The following ARMC9 variants were observed in gnomAD, a reference collection of about 807,000 sequenced individuals.
ARMC9 encodes armadillo repeat containing 9, also known as lisH domain-containing protein ARMC9.
ARMC9 carries 94 observed loss-of-function variants against 107.0 expected under a neutral mutation model. The observed-to-expected ratio is 0.88, with a 90% confidence interval of 0.74 to 1.04. The LOEUF (loss-of-function observed/expected upper bound fraction) is 1.04. ARMC9 is among the 50% of genes least tolerant of loss of function. The pLI is 0.00. For missense variants in ARMC9, 942 were observed against 1,030.1 expected (o/e 0.91, Z 1.17); for synonymous variants, 380 against 396.9 (o/e 0.96, Z 0.51).
At chr2:231,199,738 C>G (rs111389351) in intron 1 of ARMC9, among the ~76,000 whole-genome samples, 3,020 of 152,180 alleles carry the variant, frequency 0.02, 107 homozygotes, top group African/African-American at 0.07. Context: ...CCCTGTCGCT[C>G]AGGCTGGAGT....
intron 15 of ARMC9, among the ~76,000 whole-genome samples, chr2:231,278,060 T>C (rs1459129035): frequency 6.6e-6 from 1 of 152,238 alleles, no homozygotes; most frequent in African/African-American, 2.4e-5. Flanking sequence ...TGACTCGCTC[T>C]GTGCTCTGAC....
At chr2:231,274,704 T>G (rs2039617193) in intron 14 of ARMC9, among the ~76,000 whole-genome samples, 1 of 152,132 alleles carries the variant, frequency 6.6e-6, no homozygotes, top group Admixed American at 6.5e-5. Context: ...CACACTTTCT[T>G]CCCATCAAAT....
rs1347256392 is a variant in ARMC9, at chr2:231,375,069, G to A, written c.*3534G>A. Among the ~76,000 whole-genome samples, 1 of 152,202 alleles carries A rather than the reference G, an allele frequency of 6.6e-6. No individual in the cohort carries two copies. The highest frequency in any genetic ancestry group is 2.4e-5 in the African/African-American group (1 of 41,440). ...TTTTGCATATTAACAAACTACCTCT[G>A]AAACTTAGTGGCTTAAACCAACAAA... is the stretch of plus-strand genomic sequence containing the variant. On this transcript the variant is annotated 3_prime_UTR_variant, in exon 25 of 25. Transcript: ENST00000611582. The surrounding 1 kb of genome is among the most constrained non-coding windows in gnomAD (Gnocchi z 4.3).
At chr2:231,206,430 A>G (rs1213995632) in intron 2 of ARMC9, 141 bp downstream of exon 2, 3 of 704,398 alleles carry the variant, frequency 4.3e-6, no homozygotes, top group African/African-American at 3.7e-5. Context: ...ATAATATTCC[A>G]TGTATTTACA....
rs2045639480 is a variant in ARMC9, at chr2:231,362,692, C to T, written c.2261+1809C>T. 1 of 152,860 alleles carries T rather than the reference C, an allele frequency of 6.5e-6. No individual in the cohort carries two copies. Among genetic ancestry groups the T allele is most frequent in the Non-Finnish European group, 1.5e-5 (1 of 68,008 alleles). 9.5% of individuals were successfully genotyped at this position (152,860 alleles called of 1,614,324 possible). A position where few individuals can be genotyped will look rare whatever the true frequency, so the allele number is the denominator to read the frequency against. Reference sequence around the variant, plus strand: ...TTGTTCCATCTTCCTCTTCCTCCCTCACTGGCAACGTCATCTAGAATATTT... The same window carrying T: ...TTGTTCCATCTTCCTCTTCCTCCCTTACTGGCAACGTCATCTAGAATATTT... On this transcript the variant is annotated intron_variant, in intron 23 of 24. Transcript: ENST00000611582. This position sits in a 1 kb window ranked among gnomAD's most constrained non-coding sequence, Gnocchi z 4.7.
At position 231,371,564 on chromosome 2, in the gene ARMC9, G is replaced by A; in HGVS notation, c.*29G>A. ...TGTCCCCGGGTGTCCCCATCACGTTGCCGGAGGACCAGCCAGCTTCCCGCT... is the reference window on the plus strand; with the variant it reads ...TGTCCCCGGGTGTCCCCATCACGTTACCGGAGGACCAGCCAGCTTCCCGCT... On this transcript the variant is annotated 3_prime_UTR_variant, in exon 25 of 25. Transcript: ENST00000611582. 1 of 1,232,856 alleles carries A rather than the reference G, an allele frequency of 8.1e-7. No homozygotes were observed. Among genetic ancestry groups the A allele is most frequent in the Non-Finnish European group, 1.0e-6 (1 of 988,892 alleles). 76.4% of individuals were successfully genotyped at this position (1,232,856 alleles called of 1,614,324 possible).
chr2:231,270,411 A>AT (rs2039224281), intron 12 of ARMC9: 1 of 349,502 alleles, frequency 2.9e-6, no homozygotes, highest in African/African-American at 2.2e-5. Context: ...ATTCGTCTTT[A>AT]TTTTTCTTCA....
Position 231,345,002 on chromosome 2 carries a change from C to T in ARMC9, c.1906C>T (p.Arg636Trp), listed in dbSNP as rs144026971. 2.6e-3 allele frequency: 4,231 copies of T among 1,613,992 alleles called. 5 individuals carry two copies. The highest frequency in any genetic ancestry group is 3.7e-3 in the South Asian group (339 of 91,072). Residue 636 changes from arginine to tryptophan, a missense_variant, in exon 21 of 25, where the codon CGG becomes TGG. Physicochemically the swap from Arg to Trp is moderately radical, Grantham distance 101. Coordinates refer to ENST00000611582, the MANE Select transcript of ARMC9 (RefSeq NM_001352754.2). ...CATGACCAACACGGGGAAGACAAGG[C>T]GGAAGGGGCTGGCTAATGTGCAGTG... is the stretch of plus-strand genomic sequence containing the variant. ...GIMTNTGKTR[R>W]KGLANVQWSG...
chr2:231,204,768 G>A (rs1469389080), intron 1 of ARMC9, among the ~76,000 whole-genome samples: 1 of 152,068 alleles, frequency 6.6e-6, no homozygotes, highest in Non-Finnish European at 1.5e-5. Context: ...TCTGAAGGAA[G>A]GGCAGTGAGC....
Position 231,358,981 on chromosome 2 carries a change from A to G in ARMC9, c.2132-1773A>G, listed in dbSNP as rs1336686572. On this transcript the variant is annotated intron_variant, in intron 22 of 24. Coordinates refer to ENST00000611582, the MANE Select transcript of ARMC9 (RefSeq NM_001352754.2). The surrounding 1 kb of genome is among the most constrained non-coding windows in gnomAD (Gnocchi z 4.5). Reference sequence around the variant, plus strand: ...AAATGCCCAGCCCTGTCTGAAATGGACCAGCAGGCAAGAGATACTACTGTC... The same window carrying G: ...AAATGCCCAGCCCTGTCTGAAATGGGCCAGCAGGCAAGAGATACTACTGTC... 5.3e-5 allele frequency among the ~76,000 whole-genome samples: 8 copies of G among 151,880 alleles called. No individual in the cohort carries two copies. Among genetic ancestry groups the G allele is most frequent in the Non-Finnish European group, 1.0e-4 (7 of 68,010 alleles).
chr2:231,323,764 CAT>C (rs1274700797), intron 19 of ARMC9, among the ~76,000 whole-genome samples: 2 of 152,224 alleles, frequency 1.3e-5, no homozygotes, highest in African/African-American at 4.8e-5. Flanking sequence ...TGACAAGAAT[CAT>C]GTCTTTCTGA....
chr2:231,240,042 G>A lies in ARMC9; in HGVS notation c.879+1G>A, dbSNP rs1574742486. 1 of 1,611,950 alleles carries A rather than the reference G, an allele frequency of 6.2e-7. No individual in the cohort carries two copies. Among genetic ancestry groups the A allele is most frequent in the Non-Finnish European group, 8.5e-7 (1 of 1,178,738 alleles). On this transcript the variant is annotated splice_donor_variant, in intron 9 of 24. Coordinates refer to ENST00000611582, the MANE Select transcript of ARMC9 (RefSeq NM_001352754.2). LOFTEE classifies it high-confidence loss of function. ...TGTGGACTTCACGAGGCCTGGGACG[G>A]TGAGGCTCTGCGCTCAGGGCAGGGT...
rs187734288 is a variant in ARMC9 at position 231,352,836 on chromosome 2, T to C, written c.1995-2962T>C. 1.8e-3 allele frequency among the ~76,000 whole-genome samples: 252 copies of C among 138,304 alleles called. 1 individual carries two copies. Among genetic ancestry groups the C allele is most frequent in the Non-Finnish European group, 2.5e-3 (165 of 67,218 alleles). The allele number at this position is 138,304 out of a possible 152,430, so 90.7% of individuals were successfully genotyped here. On this transcript the variant is annotated intron_variant, in intron 21 of 24. Coordinates refer to ENST00000611582, the MANE Select transcript of ARMC9 (RefSeq NM_001352754.2). ...CAATATTATTCATAAAATTAGAAATTACATTCCCAGGCCGGGCGCGGGGGC... is the reference window on the plus strand; with the variant it reads ...CAATATTATTCATAAAATTAGAAATCACATTCCCAGGCCGGGCGCGGGGGC...
intron 17 of ARMC9, 69 bp from the exon 18 acceptor site, chr2:231,291,284 G>C (rs1463846555): frequency 1.6e-6 from 2 of 1,257,458 alleles, no homozygotes; most frequent in Non-Finnish European, 2.3e-6. Flanking sequence ...TAGATGAGAT[G>C]ACCTCATTGA....
intron 19 of ARMC9, among the ~76,000 whole-genome samples, chr2:231,303,727 C>G (rs373630015): frequency 3.3e-5 from 5 of 152,160 alleles, no homozygotes; most frequent in African/African-American, 1.2e-4. Flanking sequence ...CACCTGAGGC[C>G]AGGAGTTCAA....
chr2:231,215,668 T>C (rs1244037012), intron 4 of ARMC9, among the ~76,000 whole-genome samples: 3 of 152,110 alleles, frequency 2.0e-5, no homozygotes. Flanking sequence ...GCAGAGTAAA[T>C]GACAGAAGGG....
At chr2:231,276,984 T>C (rs551593838) in intron 15 of ARMC9, among the ~76,000 whole-genome samples, 1 of 152,344 alleles carries the variant, frequency 6.6e-6, no homozygotes, top group African/African-American at 2.4e-5. Context: ...ATGTCTTGTA[T>C]ATATGTAGTG....
chr2:231,234,600 C>G (rs1352481879), intron 7 of ARMC9, among the ~76,000 whole-genome samples: 1 of 152,008 alleles, frequency 6.6e-6, no homozygotes, highest in East Asian at 1.9e-4. Context: ...TAGAATAAAA[C>G]ATTCTTTTTT....
intron 19 of ARMC9, among the ~76,000 whole-genome samples, chr2:231,311,125 C>T (rs1193247420): frequency 6.6e-6 from 1 of 152,044 alleles, no homozygotes; most frequent in Non-Finnish European, 1.5e-5. Flanking sequence ...AAGACTGTGT[C>T]TCAAAAAAAT....
Sources: allele counts gnomAD v4.1 joint callset (sites outside exome capture counted in the v4.1 genomes callset), GRCh38; gene constraint gnomAD v4.1.1; non-coding constraint Gnocchi (gnomAD v3.1); transcripts MANE v1.5; gene names NCBI Gene and HGNC (gene_info 2026-07-23, HGNC 2026-07-21).